PRKD3: variants seen among roughly 807,000 people sequenced by gnomAD.
The protein encoded by PRKD3 is serine/threonine-protein kinase D3.
In PRKD3, 47 loss-of-function variants were observed where a neutral mutation model predicts 99.2. The observed-to-expected ratio is 0.47, with a 90% CI of 0.38 to 0.60. PRKD3 has a LOEUF of 0.60. Among genes scored for constraint, PRKD3 ranks in the 20% least tolerant of loss-of-function variants. The pLI, the probability that PRKD3 is intolerant of heterozygous loss-of-function variation, is 0.00. For synonymous variants in PRKD3, 392 were observed against 355.4 expected (o/e 1.10, Z -1.16); for missense variants, 1,019 against 1,088.4 (o/e 0.94, Z 0.90).
At chr2:37,275,972 C>A in intron 9 of PRKD3, 128 bp from the exon 10 acceptor site, 1 of 1,247,900 alleles carries the variant, frequency 8.0e-7, no homozygotes, top group African/African-American at 1.5e-5. Flanking sequence ...TCATGAGGTT[C>A]AAAATTCTCA....
At chr2:37,264,879 A>G (rs752497814) in intron 14 of PRKD3, among the ~76,000 whole-genome samples, 2 of 152,222 alleles carry the variant, frequency 1.3e-5, no homozygotes, top group Non-Finnish European at 2.9e-5. Context: ...AAACAGAATT[A>G]CAAAGCCTGT....
At chr2:37,275,680 T>C (rs1558544498) in intron 10 of PRKD3, 87 bp downstream of exon 10, 1 of 1,378,312 alleles carries the variant, frequency 7.3e-7, no homozygotes, top group African/African-American at 1.5e-5. Flanking sequence ...GAGTCATATA[T>C]ATTCAAATAT....
chr2:37,257,957 C>A (rs1668113894), intron 16 of PRKD3, among the ~76,000 whole-genome samples: 1 of 152,148 alleles, frequency 6.6e-6, no homozygotes, highest in South Asian at 2.1e-4. Context: ...CACATCCTCT[C>A]AAAAGAGAGT....
chr2:37,266,016 A>G (rs1668812399), intron 14 of PRKD3, among the ~76,000 whole-genome samples: 1 of 152,202 alleles, frequency 6.6e-6, no homozygotes, highest in Non-Finnish European at 1.5e-5. Flanking sequence ...AAAATTAGAT[A>G]CGCAAAAATA....
At chr2:37,274,372 GC>G (rs1277598556) in intron 11 of PRKD3, 48 bp downstream of exon 11, 3 of 1,594,384 alleles carry the variant, frequency 1.9e-6, no homozygotes, top group African/African-American at 1.3e-5. Flanking sequence ...CCCACAAAAT[GC>G]TTAAGAATTA....
At chr2:37,295,304 A>G (rs1359982905) in intron 2 of PRKD3, among the ~76,000 whole-genome samples, 1 of 152,154 alleles carries the variant, frequency 6.6e-6, no homozygotes, top group African/African-American at 2.4e-5. Context: ...AAATTATAGA[A>G]GGAGGAGGAA....
rs1669313990 is a variant in PRKD3, at chr2:37,272,243, T to C, written c.1704+137A>G. 4 of 1,299,486 alleles carry C rather than the reference T, an allele frequency of 3.1e-6. No homozygotes were observed. The East Asian group carries it at 1.1e-4, about 37-fold the overall frequency. The allele number at this position is 1,299,486 out of a possible 1,614,324, so 80.5% of individuals were successfully genotyped here. A position where few individuals can be genotyped will look rare whatever the true frequency, so the allele number is the denominator to read the frequency against. On this transcript the variant is annotated intron_variant, in intron 12 of 18. Coordinates refer to ENST00000234179, the MANE Select transcript of PRKD3 (RefSeq NM_005813.6). ...CCTAGTTTCCTCTATAAAGCAGAAC[T>C]CCTTAGGGAAGTTACCAACCGCAAA...
At chr2:37,305,732 G>C (rs1179898375) in intron 2 of PRKD3, among the ~76,000 whole-genome samples, 1 of 152,172 alleles carries the variant, frequency 6.6e-6, no homozygotes, top group Non-Finnish European at 1.5e-5. Flanking sequence ...ATGTAAGCAT[G>C]TTGGCAGGCT....
At chr2:37,285,822 TTAC>T (rs1437539480) in intron 6 of PRKD3, among the ~76,000 whole-genome samples, 8 of 152,132 alleles carry the variant, frequency 5.3e-5, no homozygotes, top group Non-Finnish European at 8.8e-5. Flanking sequence ...ATGACTCCTA[TTAC>T]TACTAACTCC....
chr2:37,316,747 C>T lies in PRKD3; in HGVS notation c.-223G>A. 2 of 1,377,238 alleles carry T rather than the reference C, an allele frequency of 1.5e-6. No individual in the cohort carries two copies. Among genetic ancestry groups the T allele is most frequent in the Middle Eastern group, 2.7e-4 (1 of 3,682 alleles). The allele number at this position is 1,377,238 out of a possible 1,614,324, so 85.3% of individuals were successfully genotyped here. ...TCTTAATATCAGTCCCATCAAAAAG[C>T]AGTCTTGTCTGTAGGAAGACAACCA... On this transcript the variant is annotated 5_prime_UTR_variant, in exon 2 of 19. Transcript: ENST00000234179.
intron 11 of PRKD3, among the ~76,000 whole-genome samples, chr2:37,273,244 C>G (rs1302597759): frequency 6.6e-6 from 1 of 151,984 alleles, no homozygotes; most frequent in African/African-American, 2.4e-5. Flanking sequence ...TCTGAGGAAA[C>G]AGTCCTAGTT....
intron 5 of PRKD3, among the ~76,000 whole-genome samples, chr2:37,287,230 C>CAAAAAAAAAAAAAAAAAAA (rs754092348): frequency 7.5e-5 from 4 of 53,658 alleles, no homozygotes; most frequent in Non-Finnish European, 9.0e-5. Context: ...AACTCCATCT[C>CAAAAAAAAAAAAAAAAAAA]AAAAAAAAAA....
intron 2 of PRKD3, among the ~76,000 whole-genome samples, chr2:37,311,138 T>G (rs1005224256): frequency 1.3e-5 from 2 of 152,200 alleles, no homozygotes; most frequent in Non-Finnish European, 2.9e-5. Flanking sequence ...TATCTTGCTT[T>G]ATCCATGCTA....
chr2:37,276,250 T>C (rs1182987374), intron 9 of PRKD3, among the ~76,000 whole-genome samples: 1 of 152,166 alleles, frequency 6.6e-6, no homozygotes, highest in Non-Finnish European at 1.5e-5. Flanking sequence ...TAGTGTTATA[T>C]TATTCTACAC....
At chr2:37,314,633 CTG>C (rs1671579606) in intron 2 of PRKD3, among the ~76,000 whole-genome samples, 1 of 152,160 alleles carries the variant, frequency 6.6e-6, no homozygotes, top group East Asian at 1.9e-4. Context: ...AATTAAAAAA[CTG>C]TGCAAAAAAT....
intron 7 of PRKD3, chr2:37,282,244 GA>G: frequency 3.3e-6 from 1 of 302,956 alleles, no homozygotes; most frequent in East Asian, 6.0e-5. Context: ...TGAAAGAATA[GA>G]GACAAGAGCA....
intron 11 of PRKD3, among the ~76,000 whole-genome samples, chr2:37,272,971 C>T (rs981105530): frequency 1.3e-5 from 2 of 149,992 alleles, no homozygotes; most frequent in African/African-American, 4.9e-5. Flanking sequence ...CATAGCGAGA[C>T]CCTGTCTCTT....
At position 37,251,704 on chromosome 2, in the gene PRKD3, T is replaced by G. The variant is rs1446471916; in HGVS notation, c.*1473A>C. On this transcript the variant is annotated 3_prime_UTR_variant, in exon 19 of 19. Transcript: ENST00000234179. ...GTTTATTTGACTGCATTCATACATA[T>G]CTGATCTTCACGACAACACTGTGAC... 4 of 152,044 alleles carry G rather than the reference T, an allele frequency of 2.6e-5. No homozygotes were observed. Among genetic ancestry groups the G allele is most frequent in the Non-Finnish European group, 5.9e-5 (4 of 68,000 alleles). The allele number at this position is 152,044 out of a possible 1,614,324, so 9.4% of individuals were successfully genotyped here. A position where few individuals can be genotyped will look rare whatever the true frequency, so the allele number is the denominator to read the frequency against.
At position 37,324,664 on chromosome 2, in the gene PRKD3, C is replaced by A; in HGVS notation, c.-656+17G>T. 6.6e-6 allele frequency: 1 copy of A among 151,330 alleles called. No individual in the cohort carries two copies. The highest frequency in any genetic ancestry group is 2.0e-4 in the South Asian group (1 of 4,882). The allele number at this position is 151,330 out of a possible 1,614,324, so 9.4% of individuals were successfully genotyped here. On this transcript the variant is annotated intron_variant, in intron 1 of 18. Coordinates refer to ENST00000234179, the MANE Select transcript of PRKD3 (RefSeq NM_005813.6). The stretch of plus-strand genomic sequence containing the variant: ...TTTTTCGGTGTCTGTTCAGCGCTCC[C>A]CGAGGCGACTACTTACAGTGGCAGG...
Sources: gnomAD v4.1 joint callset for allele counts (sites outside exome capture counted in the v4.1 genomes callset) on GRCh38, gnomAD v4.1.1 for gene constraint, MANE v1.5 for transcripts, NCBI Gene and HGNC (gene_info 2026-07-23, HGNC 2026-07-21) for gene names.